UBR1: variants seen among roughly 807,000 people sequenced by gnomAD.
The protein encoded by UBR1 is E3 ubiquitin-protein ligase UBR1.
In UBR1, 102 loss-of-function variants were observed where a neutral mutation model predicts 242.1. That is an observed-to-expected ratio of 0.42 (90% confidence interval 0.36 to 0.50). The LOEUF is 0.50. Among genes scored for constraint, UBR1 ranks in the 20% least tolerant of loss-of-function variants. The pLI is 0.01. For missense variants in UBR1, 1,772 were observed against 2,101.8 expected (o/e 0.84, Z 3.07); for synonymous variants, 675 against 684.8 (o/e 0.99, Z 0.22).
At chr15:42,953,444 A>C (rs187309930) in intron 44 of UBR1, among the ~76,000 whole-genome samples, 193 of 152,344 alleles carry the variant, frequency 1.3e-3, no homozygotes, top group African/African-American at 4.3e-3. Flanking sequence ...TCTGATCCCC[A>C]GTTTCTCAGA....
In UBR1 at chr15:42,958,124, G is replaced by A; in HGVS notation, c.4758-34C>T. 6 of 1,525,008 alleles carry A rather than the reference G, an allele frequency of 3.9e-6. No individual in the cohort carries two copies. In the African/African-American group the frequency reaches 6.8e-5, roughly 17 times the overall value. 94.5% of individuals were successfully genotyped at this position (1,525,008 alleles called of 1,614,324 possible). A position where few individuals can be genotyped will look rare whatever the true frequency, so the allele number is the denominator to read the frequency against. ...TAATTTAAAAGGCAATTTTATTTTA[G>A]AGTAAATAACCCCAGATCAAAAACT... On this transcript the variant is annotated intron_variant, in intron 43 of 46. Transcript: ENST00000290650.
At position 43,088,558 on chromosome 15, in the gene UBR1, G is replaced by A. The variant is rs540894241; in HGVS notation, c.82-2318C>T. On this transcript the variant is annotated intron_variant, in intron 1 of 46. Coordinates refer to ENST00000290650, the MANE Select transcript of UBR1 (RefSeq NM_174916.3). ...TCATCCAGGCTGGAGTGCCATGGCA[G>A]GATCTCAGCTTACTGTAACCTCTAC... 4.6e-5 allele frequency among the ~76,000 whole-genome samples: 7 copies of A among 151,664 alleles called. No homozygotes were observed. In the South Asian group the frequency reaches 1.5e-3, roughly 32 times the overall value.
At chr15:43,017,292 T>G in intron 27 of UBR1, 111 bp from the exon 28 acceptor site, 2 of 756,956 alleles carry the variant, frequency 2.6e-6, no homozygotes, top group Non-Finnish European at 4.5e-6. Context: ...TGTCTTTCAC[T>G]TAAACTATTT....
At chr15:43,040,036 T>C (rs1478933641) in intron 15 of UBR1, among the ~76,000 whole-genome samples, 1 of 152,168 alleles carries the variant, frequency 6.6e-6, no homozygotes, top group South Asian at 2.1e-4. Flanking sequence ...AGGTAATTTA[T>C]AGATTTAATG....
chr15:43,101,968 CAAAAAAAAA>C (rs55875692), intron 1 of UBR1, among the ~76,000 whole-genome samples: 1,153 of 59,688 alleles, frequency 0.019, 10 homozygotes, highest in South Asian at 0.06. Context: ...CCTTGGCTCA[CAAAAAAAAA>C]AAAAAAAAAA....
chr15:43,003,970 G>T, intron 30 of UBR1, 40 bp from the exon 31 acceptor site: 2 of 1,571,818 alleles, frequency 1.3e-6, no homozygotes, highest in Non-Finnish European at 8.8e-7. Flanking sequence ...AGAGAGACAG[G>T]TTATCAGGTC....
intron 10 of UBR1, among the ~76,000 whole-genome samples, chr15:43,057,529 T>C (rs1421316427): frequency 1.3e-5 from 2 of 152,152 alleles, no homozygotes; most frequent in Non-Finnish European, 2.9e-5. Flanking sequence ...CAATCTAATT[T>C]GGTAGATAGA....
chr15:43,081,299 C>T (rs2033971339), intron 3 of UBR1, among the ~76,000 whole-genome samples: 1 of 151,738 alleles, frequency 6.6e-6, no homozygotes, highest in Non-Finnish European at 1.5e-5. Context: ...CGCCTGTAAT[C>T]CTAGCTACTC....
At chr15:43,006,973 G>A (rs1366856954) in intron 30 of UBR1, 106 bp downstream of exon 30, 3 of 1,015,612 alleles carry the variant, frequency 3.0e-6, no homozygotes, top group Non-Finnish European at 4.6e-6. Context: ...TAATGGTATG[G>A]TAGATATATA....
At chr15:43,030,332 A>C (rs780278798) in intron 20 of UBR1, among the ~76,000 whole-genome samples, 5 of 152,206 alleles carry the variant, frequency 3.3e-5, no homozygotes, top group Non-Finnish European at 7.3e-5. Flanking sequence ...ATATACATAC[A>C]TATTCGTATA....
intron 12 of UBR1, among the ~76,000 whole-genome samples, chr15:43,054,105 T>G (rs749734470): frequency 6.6e-6 from 1 of 152,108 alleles, no homozygotes; most frequent in African/African-American, 2.4e-5. Context: ...ATCCCAACAC[T>G]ATGGGAGGCC....
chr15:42,962,960 T>C (rs2032047228), intron 42 of UBR1, among the ~76,000 whole-genome samples: 3 of 152,316 alleles, frequency 2.0e-5, no homozygotes, highest in Admixed American at 2.0e-4. Flanking sequence ...AAGGAGGGTC[T>C]GGAAAGATAC....
At chr15:43,084,768 C>T (rs2034014658) in intron 2 of UBR1, among the ~76,000 whole-genome samples, 2 of 151,950 alleles carry the variant, frequency 1.3e-5, no homozygotes, top group Admixed American at 1.3e-4. Context: ...ATTTTTTTTC[C>T]CCTGAGAAAA....
chr15:42,998,861 T>C (rs946495192), intron 32 of UBR1, among the ~76,000 whole-genome samples: 1 of 152,144 alleles, frequency 6.6e-6, no homozygotes, highest in Non-Finnish European at 1.5e-5. Flanking sequence ...TGATCTGGTC[T>C]TTGCTTGCTC....
rs1567106185 is a variant in UBR1 at position 42,952,312 on chromosome 15, G to A, written c.4972C>T (p.Leu1658Phe). 6 of 1,614,214 alleles carry A rather than the reference G, an allele frequency of 3.7e-6. No homozygotes were observed. Among genetic ancestry groups the A allele is most frequent in the Non-Finnish European group, 4.2e-6 (5 of 1,180,038 alleles). The change falls in exon 45 of 47, where the codon CTT becomes TTT. Residue 1658 changes from leucine to phenylalanine, a missense_variant. Physicochemically the swap from Leu to Phe is conservative, Grantham distance 22. Transcript: ENST00000290650. ...EEVGACIFHA[L>F]HCGAGVCIFL... ...ATGCAGACTCCGGCTCCACAGTGAAGTGCGTGAAAAATGCAAGCTCCAACC... is the reference window on the plus strand; with the variant it reads ...ATGCAGACTCCGGCTCCACAGTGAAATGCGTGAAAAATGCAAGCTCCAACC...
Position 43,019,343 on chromosome 15 carries a change from G to A in UBR1, c.2940+1932C>T, listed in dbSNP as rs535980569. On this transcript the variant is annotated intron_variant, in intron 27 of 46. Transcript: ENST00000290650. ...CTCCCAAAGTGCTGGGATTACAGGCGTGAGCCACCACGCCAGGCCAATAAT... is the reference window on the plus strand; with the variant it reads ...CTCCCAAAGTGCTGGGATTACAGGCATGAGCCACCACGCCAGGCCAATAAT... 4.6e-5 allele frequency among the ~76,000 whole-genome samples: 7 copies of A among 152,234 alleles called. No individual in the cohort carries two copies. In the East Asian group the frequency reaches 5.8e-4, roughly 13 times the overall value.
chr15:43,016,003 G>A, intron 28 of UBR1, 134 bp from the exon 29 acceptor site: 1 of 757,140 alleles, frequency 1.3e-6, no homozygotes, highest in Admixed American at 2.7e-5. Context: ...TCAGTTTAAT[G>A]TTTCAAAATT....
chr15:43,060,595 A>G (rs1029360652), intron 6 of UBR1, among the ~76,000 whole-genome samples: 1 of 152,174 alleles, frequency 6.6e-6, no homozygotes, highest in African/African-American at 2.4e-5. Flanking sequence ...ATTTCCTTGT[A>G]GCTCATTCTT....
At chr15:43,038,064 G>T in intron 16 of UBR1, 107 bp downstream of exon 16, 1 of 1,337,378 alleles carries the variant, frequency 7.5e-7, no homozygotes, top group Non-Finnish European at 1.1e-6. Context: ...ATTACTAAAT[G>T]GGAATTCCTC....
Sources: allele counts gnomAD v4.1 joint callset (sites outside exome capture counted in the v4.1 genomes callset), GRCh38; gene constraint gnomAD v4.1.1; transcripts MANE v1.5; gene names NCBI Gene and HGNC (gene_info 2026-07-23, HGNC 2026-07-21).